The following RAB28 variants were observed in gnomAD, a reference collection of about 807,000 sequenced individuals.
RAB28 encodes ras-related protein Rab-28.
Under a neutral mutation model 31.7 loss-of-function variants are expected in RAB28, and 24 were observed. The ratio of observed to expected loss-of-function variants is 0.76; its 90% confidence interval spans 0.55 to 1.06. RAB28 has a LOEUF of 1.06. RAB28 is among the 50% of genes least tolerant of loss of function. The pLI, the probability that RAB28 is intolerant of heterozygous loss-of-function variation, is 0.00. For missense variants in RAB28, 254 were observed against 258.5 expected, an observed-to-expected ratio of 0.98 and a Z score of 0.12; for synonymous variants, 100 against 90.4, an observed-to-expected ratio of 1.11 and a Z score of -0.60.
At chr4:13,397,218 G>A (rs948481705) in intron 4 of RAB28, among the ~76,000 whole-genome samples, 2 of 152,006 alleles carry the variant, frequency 1.3e-5, no homozygotes, top group Non-Finnish European at 1.5e-5. Context: ...AACATGCAAA[G>A]GAATACACAT....
intron 4 of RAB28, among the ~76,000 whole-genome samples, chr4:13,390,190 A>G (rs1485228938): frequency 6.6e-6 from 1 of 152,220 alleles, no homozygotes; most frequent in Non-Finnish European, 1.5e-5. Flanking sequence ...CCTTAAGCTG[A>G]TAAGCAACTT....
intron 4 of RAB28, among the ~76,000 whole-genome samples, chr4:13,438,400 C>T (rs928810637): frequency 2.0e-5 from 3 of 152,246 alleles, no homozygotes; most frequent in South Asian, 4.1e-4. Context: ...CAAAAGTAAA[C>T]CCTACACATA....
intron 4 of RAB28, among the ~76,000 whole-genome samples, chr4:13,398,460 G>A (rs1439937885): frequency 6.6e-6 from 1 of 152,056 alleles, no homozygotes; most frequent in Non-Finnish European, 1.5e-5. Context: ...GCATACCCTG[G>A]CATCTCACAA....
chr4:13,459,359 T>C (rs190330815), intron 4 of RAB28, among the ~76,000 whole-genome samples: 3 of 152,318 alleles, frequency 2.0e-5, no homozygotes, highest in Non-Finnish European at 4.4e-5. Context: ...CTCCCTTTCA[T>C]ATATACATCT....
chr4:13,395,584 T>C (rs958953261), intron 4 of RAB28, among the ~76,000 whole-genome samples: 3 of 152,068 alleles, frequency 2.0e-5, no homozygotes, highest in African/African-American at 4.8e-5. Flanking sequence ...CAAGATTCCT[T>C]ACTCAGGATC....
intron 4 of RAB28, among the ~76,000 whole-genome samples, chr4:13,387,949 A>ATT (rs1415841041): frequency 6.6e-6 from 1 of 152,024 alleles, no homozygotes; most frequent in Non-Finnish European, 1.5e-5. Flanking sequence ...TAAACTTGAT[A>ATT]ACCCAAGAAC....
At chr4:13,405,569 G>A (rs777277753) in intron 4 of RAB28, among the ~76,000 whole-genome samples, 8 of 152,024 alleles carry the variant, frequency 5.3e-5, no homozygotes, top group Admixed American at 2.0e-4. Context: ...CTTGACAAGC[G>A]TCTTTCCCAA....
intron 5 of RAB28, 137 bp from the exon 6 acceptor site, chr4:13,376,759 TTA>T (rs1728940346): frequency 2.0e-6 from 1 of 489,620 alleles, no homozygotes; most frequent in South Asian, 4.4e-5. Flanking sequence ...AAAAATAGCT[TTA>T]TTTGTCAAAT....
rs150642767 is a variant in RAB28 at position 13,401,342 on chromosome 4, A to T, written c.392-19748T>A. On this transcript the variant is annotated intron_variant, in intron 4 of 6. Transcript: ENST00000330852. Reference sequence around the variant, plus strand: ...GTTCATTTAATGAGAACACATGGACACAGGGAGGGGAAAATCACATACCAT... The same window carrying T: ...GTTCATTTAATGAGAACACATGGACTCAGGGAGGGGAAAATCACATACCAT... 2.9e-3 allele frequency among the ~76,000 whole-genome samples: 440 copies of T among 152,258 alleles called. 1 individual carries two copies. Among genetic ancestry groups the T allele is most frequent in the Non-Finnish European group, 5.0e-3 (338 of 68,018 alleles).
intron 4 of RAB28, among the ~76,000 whole-genome samples, chr4:13,422,289 C>T (rs923616780): frequency 2.6e-5 from 4 of 152,144 alleles, no homozygotes; most frequent in African/African-American, 9.7e-5. Flanking sequence ...AACGCTTTTG[C>T]ACTGTTGGTG....
rs1242492511 is a variant in RAB28, at chr4:13,381,571, T to C, written c.415A>G (p.Ile139Val). ...AACCGTAAGTGTTTTTCAGGTTTTA[T>C]TGTTCGCATATGCTCCAAATCAACT... is the stretch of plus-strand genomic sequence containing the variant. ...NKIDLEHMRT[I>V]KPEKHLRFCQ... Residue 139 changes from isoleucine to valine, a missense_variant, in exon 5 of 7, where the codon ATA becomes GTA. Ile to Val is a conservative substitution (Grantham distance 29, BLOSUM62 3). Coordinates refer to ENST00000330852, the MANE Select transcript of RAB28 (RefSeq NM_001017979.3). 1 of 1,613,170 alleles carries C rather than the reference T, an allele frequency of 6.2e-7. No individual in the cohort carries two copies. Among genetic ancestry groups the C allele is most frequent in the Non-Finnish European group, 8.5e-7 (1 of 1,179,498 alleles).
intron 4 of RAB28, among the ~76,000 whole-genome samples, chr4:13,422,263 G>A (rs1333554176): frequency 6.6e-6 from 1 of 152,206 alleles, no homozygotes; most frequent in African/African-American, 2.4e-5. Context: ...TGCTGGAGAG[G>A]ACGTGGAGAA....
intron 6 of RAB28, among the ~76,000 whole-genome samples, chr4:13,373,985 GTGTATATA>G (rs1489879086): frequency 6.6e-6 from 1 of 150,382 alleles, no homozygotes; most frequent in Non-Finnish European, 1.5e-5. Flanking sequence ...ATATGTGTGT[GTGTATATA>G]TATATAATCT....
intron 4 of RAB28, among the ~76,000 whole-genome samples, chr4:13,445,797 T>C (rs1714663232): frequency 6.6e-6 from 1 of 152,216 alleles, no homozygotes; most frequent in Non-Finnish European, 1.5e-5. Flanking sequence ...TGTGAACCCC[T>C]GTTGGGAGGT....
chr4:13,470,723 A>G (rs1716082411), intron 3 of RAB28, among the ~76,000 whole-genome samples: 1 of 152,034 alleles, frequency 6.6e-6, no homozygotes, highest in African/African-American at 2.4e-5. Context: ...ATCCCCTATA[A>G]CATCTTTCTA....
At chr4:13,422,710 T>C (rs1030831539) in intron 4 of RAB28, among the ~76,000 whole-genome samples, 5 of 145,294 alleles carry the variant, frequency 3.4e-5, no homozygotes, top group African/African-American at 1.3e-4. Context: ...TGAGAACACT[T>C]GGACACAGGG....
intron 4 of RAB28, among the ~76,000 whole-genome samples, chr4:13,445,982 C>T (rs936210983): frequency 1.3e-5 from 2 of 152,164 alleles, no homozygotes; most frequent in Non-Finnish European, 1.5e-5. Flanking sequence ...GCCGCCCCTC[C>T]CCCCAGGTGC....
intron 6 of RAB28, chr4:13,371,055 T>C: frequency 1.0e-6 from 1 of 983,908 alleles, no homozygotes; most frequent in East Asian, 1.1e-4. Context: ...TTTATTAAGA[T>C]AGAAAAGCAT....
chr4:13,427,943 C>G (rs57633371), intron 4 of RAB28, among the ~76,000 whole-genome samples: 14,273 of 152,210 alleles, frequency 0.094, 1,326 homozygotes, highest in African/African-American at 0.24. Flanking sequence ...TCCAAAAACG[C>G]AGCTCCCGAG....
Sources: gnomAD v4.1 joint callset for allele counts (sites outside exome capture counted in the v4.1 genomes callset) on GRCh38, gnomAD v4.1.1 for gene constraint, MANE v1.5 for transcripts, NCBI Gene and HGNC (gene_info 2026-07-23, HGNC 2026-07-21) for gene names.